DGKB: variants seen among roughly 807,000 people sequenced by gnomAD.
DGKB encodes 90 kDa diacylglycerol kinase.
Under a neutral mutation model 114.3 loss-of-function variants are expected in DGKB, and 67 were observed. That is an observed-to-expected ratio of 0.59 (90% CI 0.48 to 0.72). DGKB has a LOEUF of 0.72. DGKB is among the 30% of genes least tolerant of loss of function. The pLI, the probability that DGKB is intolerant of heterozygous loss-of-function variation, is 0.00. For synonymous variants in DGKB, 398 were observed against 323.1 expected (o/e 1.23, Z -2.49); for missense variants, 907 against 975.2 (o/e 0.93, Z 0.93).
chr7:14,354,120 T>C (rs112676831), intron 21 of DGKB, among the ~76,000 whole-genome samples: 140 of 152,238 alleles, frequency 9.2e-4, no homozygotes, highest in African/African-American at 3.4e-3. Context: ...ATTAATAAAA[T>C]ATACCCTGAT....
intron 8 of DGKB, among the ~76,000 whole-genome samples, chr7:14,697,584 G>T (rs1017650713): frequency 1.3e-5 from 2 of 151,162 alleles, no homozygotes; most frequent in Non-Finnish European, 2.9e-5. Context: ...TTTGACTTCT[G>T]ATTAGAAATA....
chr7:14,359,161 C>T (rs902974312), intron 21 of DGKB, among the ~76,000 whole-genome samples: 2 of 151,930 alleles, frequency 1.3e-5, no homozygotes, highest in East Asian at 1.9e-4. Context: ...AGAAATAATG[C>T]CACACATCTA....
chr7:14,746,496 T>G (rs1723256), intron 4 of DGKB, among the ~76,000 whole-genome samples: 54,127 of 152,096 alleles, frequency 0.36, 13,349 homozygotes, highest in African/African-American at 0.69. Context: ...ACTTTAATTT[T>G]CCTTTTTTTA....
chr7:14,549,626 T>C (rs182373652), intron 20 of DGKB, among the ~76,000 whole-genome samples: 1 of 152,222 alleles, frequency 6.6e-6, no homozygotes, highest in Non-Finnish European at 1.5e-5. Context: ...ACAATAACAC[T>C]GAAAATTATA....
At chr7:14,546,710 C>T (rs1272740701) in intron 20 of DGKB, among the ~76,000 whole-genome samples, 1 of 152,132 alleles carries the variant, frequency 6.6e-6, no homozygotes, top group Admixed American at 6.5e-5. Flanking sequence ...TGTTGGGACC[C>T]AGCTAGAAAA....
chr7:14,669,543 C>T (rs1435977472), intron 13 of DGKB, among the ~76,000 whole-genome samples: 1 of 152,174 alleles, frequency 6.6e-6, no homozygotes, highest in African/African-American at 2.4e-5. Flanking sequence ...TTTATCACTG[C>T]AGCCCCAACA....
At chr7:14,534,995 T>A (rs1315358276) in intron 20 of DGKB, among the ~76,000 whole-genome samples, 3 of 151,908 alleles carry the variant, frequency 2.0e-5, no homozygotes, top group Non-Finnish European at 4.4e-5. Context: ...GAGACAAAAA[T>A]GAAAACAACA....
At chr7:14,445,794 G>GT (rs369937505) in intron 21 of DGKB, among the ~76,000 whole-genome samples, 307 of 151,976 alleles carry the variant, frequency 2.0e-3, no homozygotes, top group Non-Finnish European at 3.6e-3. Context: ...TAAGTTTCAT[G>GT]TTTTTTATAA....
At chr7:14,314,717 T>C (rs966913170) in intron 23 of DGKB, among the ~76,000 whole-genome samples, 6 of 151,830 alleles carry the variant, frequency 4.0e-5, no homozygotes, top group Admixed American at 6.6e-5. Flanking sequence ...TGCAGGATAT[T>C]ATCCAGGAGA....
At chr7:14,653,377 T>C (rs1350875617) in intron 13 of DGKB, among the ~76,000 whole-genome samples, 2 of 151,948 alleles carry the variant, frequency 1.3e-5, no homozygotes, top group Non-Finnish European at 1.5e-5. Context: ...AAATTGGAAA[T>C]CATCATTCTC....
rs564145411 is a variant in DGKB, at chr7:14,472,468, T to C, written c.1835+5693A>G. Among the ~76,000 whole-genome samples the C allele has an allele frequency of 9.2e-5, 14 of 152,316 alleles. No individual in the cohort carries two copies. The South Asian group carries it at 1.9e-3, about 20-fold the overall frequency. On this transcript the variant is annotated intron_variant, in intron 21 of 25. Coordinates refer to ENST00000402815, the MANE Select transcript of DGKB (RefSeq NM_001350709.2). ...GAACTGTAAGTCCAATAAACCTTTC[T>C]TTTGTAAATTGTCCAATCTCTAATT...
At chr7:14,315,713 A>G (rs1049253503) in intron 23 of DGKB, among the ~76,000 whole-genome samples, 2 of 150,448 alleles carry the variant, frequency 1.3e-5, no homozygotes, top group African/African-American at 5.0e-5. Flanking sequence ...TGTCAACATT[A>G]GACAGATCAA....
chr7:14,437,877 T>C (rs766701292), intron 21 of DGKB, among the ~76,000 whole-genome samples: 3 of 151,452 alleles, frequency 2.0e-5, no homozygotes, highest in Non-Finnish European at 4.4e-5. Flanking sequence ...TATTGGTCTT[T>C]ACATAACTGA....
intron 2 of DGKB, among the ~76,000 whole-genome samples, chr7:14,811,067 C>T (rs1445377168): frequency 1.3e-5 from 2 of 152,114 alleles, no homozygotes; most frequent in Non-Finnish European, 2.9e-5. Flanking sequence ...CCAAGCAGAG[C>T]ACCATGAGCT....
At chr7:14,240,950 G>C (rs998164378) in intron 23 of DGKB, among the ~76,000 whole-genome samples, 59 of 152,006 alleles carry the variant, frequency 3.9e-4, no homozygotes, top group African/African-American at 1.2e-3. Context: ...AATCTCTCCA[G>C]GTTTCCTTCA....
chr7:14,255,849 G>A (rs1214638980), intron 23 of DGKB, among the ~76,000 whole-genome samples: 2 of 151,592 alleles, frequency 1.3e-5, no homozygotes, highest in African/African-American at 4.9e-5. Flanking sequence ...ACTGCAATCA[G>A]GCTTTGAGCA....
At chr7:14,921,327 T>C (rs1454542386) in intron 1 of DGKB, among the ~76,000 whole-genome samples, 1 of 152,138 alleles carries the variant, frequency 6.6e-6, no homozygotes, top group Non-Finnish European at 1.5e-5. Context: ...GCTGGCAAAA[T>C]GGAGAAGGAG....
At chr7:14,772,415 C>T (rs1305367525) in intron 2 of DGKB, among the ~76,000 whole-genome samples, 1 of 152,100 alleles carries the variant, frequency 6.6e-6, no homozygotes, top group South Asian at 2.1e-4. Context: ...AAGAGAACTA[C>T]ACAAAACAGA....
At chr7:14,265,488 C>A (rs903635607) in intron 23 of DGKB, among the ~76,000 whole-genome samples, 2 of 151,866 alleles carry the variant, frequency 1.3e-5, no homozygotes, top group Admixed American at 6.6e-5. Context: ...ATTGTGTCTT[C>A]TACATCCCTT....
Sources: gnomAD v4.1 joint callset for allele counts (sites outside exome capture counted in the v4.1 genomes callset) on GRCh38, gnomAD v4.1.1 for gene constraint, MANE v1.5 for transcripts, NCBI Gene and HGNC (gene_info 2026-07-23, HGNC 2026-07-21) for gene names.